Variants in ZNF273 observed in about 807,000 individuals in gnomAD.
The protein encoded by ZNF273 is zinc finger protein 9.
ZNF273 carries 11 observed loss-of-function variants against 14.9 expected under a neutral mutation model. That is an observed-to-expected ratio of 0.74 (90% CI 0.46 to 1.22). The LOEUF (loss-of-function observed/expected upper bound fraction) is 1.22, where lower values mean the gene tolerates loss of function less well. ZNF273 is among the 50% of genes most tolerant of loss of function. ZNF273 has a pLI of 0.00. For missense variants in ZNF273, 577 were observed against 660.6 expected (o/e 0.87, Z 1.39); for synonymous variants, 199 against 223.9 (o/e 0.89, Z 0.99).
At chr7:64,890,221 T>TGTGTGTGTGTGTGGGAGAGAGAGA, downstream of ZNF273, 1 of 64,050 alleles carries the variant, frequency 1.6e-5, no homozygotes, top group Non-Finnish European at 3.4e-5. Context: ...TGTGTGTGTG[T>TGTGTGTGTGTGTGGGAGAGAGAGA]GAGAGAGAGA....
At chr7:64,889,194 T>C, downstream of ZNF273, 1 of 985,732 alleles carries the variant, frequency 1.0e-6, no homozygotes, top group African/African-American at 1.7e-5. This position sits in a 1 kb window ranked among gnomAD's most constrained non-coding sequence, Gnocchi z 4.2. Flanking sequence ...GCCCCTGCAG[T>C]CATGGGGTCA....
chr7:64,910,937 T>G (rs914295904), intron 1 of ZNF273, among the ~76,000 whole-genome samples: 1 of 150,510 alleles, frequency 6.6e-6, no homozygotes, highest in African/African-American at 2.4e-5. Flanking sequence ...GGCTAATTTT[T>G]CTATTTTTAG....
downstream of ZNF273, among the ~76,000 whole-genome samples, chr7:64,932,959 T>C (rs1268937518): frequency 6.6e-6 from 1 of 152,050 alleles, no homozygotes; most frequent in Non-Finnish European, 1.5e-5. Context: ...TTTTCCCTAT[T>C]AATATTACAA....
In ZNF273 at chr7:64,928,929, A is replaced by G; in HGVS notation, c.1601A>G (p.Lys534Arg). 2 of 1,613,450 alleles carry G rather than the reference A, an allele frequency of 1.2e-6. No individual in the cohort carries two copies. Among genetic ancestry groups the G allele is most frequent in the East Asian group, 2.2e-5 (1 of 44,828 alleles). Residue 534 changes from lysine to arginine, a missense_variant, in exon 4 of 4, where the codon AAA becomes AGA. Lys to Arg is a conservative substitution (Grantham distance 26). This residue lies in a region of ZNF273 where 411 missense variants were observed against 440.4 expected (regional missense o/e 0.93). Transcript: ENST00000476120. ...NRSSNLTRHK[K>R]IHTGEKPYKP... ...TCCTCAAACCTTACTCGACATAAGA[A>G]AATTCATACTGGAGAGAAACCATAC...
chr7:64,878,221 G>T (rs1340907121), intron 1 of ZNF273, among the ~76,000 whole-genome samples: 1 of 151,326 alleles, frequency 6.6e-6, no homozygotes, highest in Admixed American at 6.6e-5. Context: ...GTGAAGTGGG[G>T]GGACTGGCTG....
At chr7:64,897,580 C>G (rs1562953024) in exon 4 of ZNF273, 1 of 152,158 alleles carries the variant, frequency 6.6e-6, no homozygotes, top group Non-Finnish European at 1.5e-5. Flanking sequence ...CCCGCCTCGG[C>G]CTCCCAAAGT....
Position 64,903,292 on chromosome 7 carries a change from G to C in ZNF273, c.-26G>C. On this transcript the variant is annotated 5_prime_UTR_variant, in exon 1 of 4. Transcript: ENST00000476120. Reference sequence around the variant, plus strand: ...GCCTTTGTCTCTCGCTGCAGTCGCAGCTCCAGGTCTCGTCTTCACTGCTCT... The same window carrying C: ...GCCTTTGTCTCTCGCTGCAGTCGCACCTCCAGGTCTCGTCTTCACTGCTCT... 1 of 1,578,726 alleles carries C rather than the reference G, an allele frequency of 6.3e-7. No homozygotes were observed. Among genetic ancestry groups the C allele is most frequent in the South Asian group, 1.1e-5 (1 of 90,102 alleles).
At chr7:64,880,425 C>G (rs911835662), downstream of ZNF273, among the ~76,000 whole-genome samples, 1 of 152,138 alleles carries the variant, frequency 6.6e-6, no homozygotes, top group East Asian at 1.9e-4. Context: ...CGAAGCAGAA[C>G]CGCGCTGCCT....
chr7:64,894,538 T>C (rs1356399219), downstream of ZNF273, among the ~76,000 whole-genome samples: 1 of 152,126 alleles, frequency 6.6e-6, no homozygotes, highest in Admixed American at 6.6e-5. Context: ...AAGATTGGCT[T>C]TTTAAAAAAT....
intron 3 of ZNF273, chr7:64,923,543 T>C: frequency 2.9e-6 from 1 of 350,306 alleles, no homozygotes; most frequent in Non-Finnish European, 5.5e-6. Flanking sequence ...GGTTTCACCA[T>C]GTTGGCCAGG....
downstream of ZNF273, among the ~76,000 whole-genome samples, chr7:64,891,081 T>C (rs774983540): frequency 6.6e-6 from 1 of 152,080 alleles, no homozygotes; most frequent in African/African-American, 2.4e-5. Context: ...CAGAAATGAG[T>C]CACAGGTGGG....
chr7:64,888,695 G>T, exon 2 of ZNF273: 1 of 985,714 alleles, frequency 1.0e-6, no homozygotes, highest in Non-Finnish European at 1.2e-6. Flanking sequence ...GGGGTGAGAG[G>T]TCCGGCTCCT....
chr7:64,935,330 G>A (rs994084348), downstream of ZNF273, among the ~76,000 whole-genome samples: 3 of 152,096 alleles, frequency 2.0e-5, no homozygotes, highest in Non-Finnish European at 2.9e-5. Flanking sequence ...GGGCCTTCTT[G>A]TCTTGTTCTA....
At chr7:64,890,608 G>A (rs1366737148), downstream of ZNF273, among the ~76,000 whole-genome samples, 1 of 152,196 alleles carries the variant, frequency 6.6e-6, no homozygotes. Context: ...CAGGTCAGTG[G>A]CAGGTCCCAT....
intron 1 of ZNF273, among the ~76,000 whole-genome samples, chr7:64,878,201 T>G (rs1351744375): frequency 1.3e-5 from 2 of 151,322 alleles, no homozygotes; most frequent in Admixed American, 6.6e-5. Context: ...CCGTGTTTCC[T>G]GAAACTGTGG....
In ZNF273 at chr7:64,928,450, C is replaced by T. The variant is rs752445597; in HGVS notation, c.1122C>T (p.Tyr374=). The T allele has an allele frequency of 5.0e-6, 8 of 1,613,606 alleles. No homozygotes were observed. In the Admixed American group the frequency reaches 1.3e-4, roughly 27 times the overall value. The change falls in exon 4 of 4, where the codon TAC becomes TAT. Residue 374 remains tyrosine, a synonymous_variant. Coordinates refer to ENST00000476120, the MANE Select transcript of ZNF273 (RefSeq NM_021148.3). ...HKRIHTGEKP[Y]KCEECGKAFN... ...GAATTCATACTGGAGAGAAACCCTA[C>T]AAATGTGAAGAATGTGGCAAAGCTT...
downstream of ZNF273, among the ~76,000 whole-genome samples, chr7:64,892,198 A>C (rs1420943358): frequency 6.6e-6 from 1 of 151,912 alleles, no homozygotes; most frequent in African/African-American, 2.4e-5. Context: ...TTTCATAGAC[A>C]AAAAAAACAG....
chr7:64,907,093 ATAAACT>A (rs1379201380), intron 1 of ZNF273, among the ~76,000 whole-genome samples: 2 of 152,248 alleles, frequency 1.3e-5, no homozygotes, highest in South Asian at 2.1e-4. Flanking sequence ...TGGGAAGAAG[ATAAACT>A]TAAGTAAAGT....
chr7:64,921,528 C>T (rs549216988), intron 3 of ZNF273, among the ~76,000 whole-genome samples: 70 of 143,216 alleles, frequency 4.9e-4, no homozygotes, highest in Middle Eastern at 3.8e-3. Context: ...CAGATAGATA[C>T]ATATAATAGT....
Sources: gnomAD v4.1 joint callset for allele counts (sites outside exome capture counted in the v4.1 genomes callset) on GRCh38, gnomAD v4.1.1 for gene constraint, gnomAD v4.1.1 regional missense constraint, Gnocchi (gnomAD v3.1) non-coding constraint, MANE v1.5 for transcripts, NCBI Gene and HGNC (gene_info 2026-07-23, HGNC 2026-07-21) for gene names.